The following FMN1 variants were observed in gnomAD, a reference collection of about 807,000 sequenced individuals.
The protein encoded by FMN1 is formin-1.
FMN1 carries 110 observed loss-of-function variants against 132.4 expected under a neutral mutation model. The observed-to-expected ratio is 0.83, with a 90% CI of 0.71 to 0.97. The LOEUF is 0.97. FMN1 is among the 50% of genes least tolerant of loss of function. The pLI is 0.00. For synonymous variants in FMN1, 722 were observed against 651.7 expected, an observed-to-expected ratio of 1.11 and a Z score of -1.64; for missense variants, 1,792 against 1,705.3, an observed-to-expected ratio of 1.05 and a Z score of -0.90.
intron 7 of FMN1, among the ~76,000 whole-genome samples, chr15:33,001,960 A>G (rs187366969): frequency 9.6e-4 from 146 of 152,204 alleles, no homozygotes; most frequent in African/African-American, 2.9e-3. Flanking sequence ...TCCAATCCAA[A>G]TATTTTAGGT....
chr15:32,949,432 G>C (rs772992326), intron 9 of FMN1, among the ~76,000 whole-genome samples: 1 of 152,032 alleles, frequency 6.6e-6, no homozygotes, highest in Admixed American at 6.6e-5. Context: ...TGACAAACTT[G>C]ACAAAAACAA....
At chr15:32,790,646 C>T (rs1026725383) in intron 19 of FMN1, among the ~76,000 whole-genome samples, 1 of 152,194 alleles carries the variant, frequency 6.6e-6, no homozygotes, top group African/African-American at 2.4e-5. Flanking sequence ...TTCTGAATCT[C>T]CTCTAAAACT....
chr15:32,927,898 A>G (rs1431035401), intron 9 of FMN1, among the ~76,000 whole-genome samples: 4 of 152,246 alleles, frequency 2.6e-5, no homozygotes, highest in East Asian at 3.8e-4. Flanking sequence ...AGGTACTTAC[A>G]GAATTGCCAA....
At chr15:33,025,422 A>G (rs1346418183) in intron 6 of FMN1, among the ~76,000 whole-genome samples, 1 of 152,180 alleles carries the variant, frequency 6.6e-6, no homozygotes, top group Admixed American at 6.5e-5. Context: ...TTTGCAAAAA[A>G]TTGATGATTC....
intron 6 of FMN1, among the ~76,000 whole-genome samples, chr15:33,046,051 G>T (rs2036666054): frequency 6.6e-6 from 1 of 151,892 alleles, no homozygotes; most frequent in South Asian, 2.1e-4. Context: ...AATGGTATTA[G>T]CTAAGATTTT....
chr15:32,968,286 A>G (rs2031435889), intron 8 of FMN1, among the ~76,000 whole-genome samples: 1 of 152,222 alleles, frequency 6.6e-6, no homozygotes. Flanking sequence ...TTAAATATCT[A>G]GATTATAGGG....
In FMN1 at chr15:32,772,221, A is replaced by G. The variant is rs1282388308; in HGVS notation, c.*2089T>C. 2 of 152,268 alleles carry G rather than the reference A, an allele frequency of 1.3e-5. No homozygotes were observed. Among genetic ancestry groups the G allele is most frequent in the Non-Finnish European group, 2.9e-5 (2 of 68,072 alleles). The allele number at this position is 152,268 out of a possible 1,614,324, so 9.4% of individuals were successfully genotyped here. ...TGAAGGGTTACGTGGCCACAGTGGC[A>G]GCCCTGCTTACCTTCACTGATTTCT... On this transcript the variant is annotated 3_prime_UTR_variant, in exon 21 of 21. Transcript: ENST00000616417.
chr15:33,086,053 C>T (rs985103500), intron 5 of FMN1, among the ~76,000 whole-genome samples: 1 of 151,970 alleles, frequency 6.6e-6, no homozygotes, highest in African/African-American at 2.4e-5. Context: ...AGATCCAGAC[C>T]ATCCTGGCTA....
intron 4 of FMN1, among the ~76,000 whole-genome samples, chr15:33,108,043 T>C (rs990821670): frequency 6.6e-6 from 1 of 152,070 alleles, no homozygotes; most frequent in Non-Finnish European, 1.5e-5. Context: ...TGGCAAGAAT[T>C]CTGTGCCAGG....
intron 6 of FMN1, among the ~76,000 whole-genome samples, chr15:33,041,330 A>T (rs1246204846): frequency 6.6e-6 from 1 of 151,672 alleles, no homozygotes; most frequent in Non-Finnish European, 1.5e-5. Flanking sequence ...AATCAGGAGT[A>T]ACACAATAAT....
chr15:33,172,584 G>C (rs1227941041), intron 3 of FMN1, among the ~76,000 whole-genome samples: 1 of 152,226 alleles, frequency 6.6e-6, no homozygotes, highest in African/African-American at 2.4e-5. Flanking sequence ...GTTTGACACA[G>C]AGTTGGAAAT....
intron 5 of FMN1, among the ~76,000 whole-genome samples, chr15:33,074,133 A>C (rs1048036097): frequency 3.9e-5 from 6 of 152,166 alleles, no homozygotes; most frequent in African/African-American, 1.4e-4. Flanking sequence ...AGATGGGGAA[A>C]AAGGCATCCC....
chr15:32,900,662 T>A (rs1208319877), intron 13 of FMN1, among the ~76,000 whole-genome samples: 1 of 152,232 alleles, frequency 6.6e-6, no homozygotes, highest in Non-Finnish European at 1.5e-5. Flanking sequence ...CTTTAATAAA[T>A]TTATTAAACT....
rs71113479 is a variant in FMN1 at position 32,848,977 on chromosome 15, GTTT to G, written c.3928+8035_3928+8037del. 1.0e-4 allele frequency among the ~76,000 whole-genome samples: 9 copies of G among 89,574 alleles called. No homozygotes were observed. The South Asian group carries it at 1.5e-3, about 15-fold the overall frequency. 58.8% of individuals were successfully genotyped at this position (89,574 alleles called of 152,430 possible). Reference sequence around the variant, plus strand: ...ATCAGTCTTGGGTTAGTTCTCTTTTGTTTTTTTTTTTTTTTTTTTTTTCAGAGA... The same window carrying G: ...ATCAGTCTTGGGTTAGTTCTCTTTTGTTTTTTTTTTTTTTTTTTTCAGAGA... On this transcript the variant is annotated intron_variant, in intron 17 of 20. Transcript: ENST00000616417.
intron 17 of FMN1, among the ~76,000 whole-genome samples, chr15:32,836,768 T>C (rs1319717117): frequency 2.0e-5 from 3 of 152,198 alleles, no homozygotes; most frequent in Non-Finnish European, 4.4e-5. Context: ...CTATGTTAAA[T>C]AACATAGTTT....
At chr15:32,856,746 C>T (rs995779968) in intron 17 of FMN1, among the ~76,000 whole-genome samples, 4 of 152,096 alleles carry the variant, frequency 2.6e-5, no homozygotes, top group African/African-American at 9.7e-5. Flanking sequence ...CATGAAGAGA[C>T]AAAAAAGTTT....
At chr15:32,952,621 AAG>A (rs1344795734) in intron 9 of FMN1, among the ~76,000 whole-genome samples, 2 of 152,284 alleles carry the variant, frequency 1.3e-5, no homozygotes, top group South Asian at 2.1e-4. Flanking sequence ...CAGAGTCCAC[AAG>A]AGAGTAAAAA....
chr15:32,968,830 A>C lies in FMN1; in HGVS notation c.2871T>G (p.Pro957=). The change falls in exon 8 of 21, where the codon CCT becomes CCG. Residue 957 remains proline (P), a synonymous_variant. Transcript: ENST00000616417. ...PPPGLAPPPP[P]GLFFGLGSSS... The stretch of plus-strand genomic sequence containing the variant: ...AAGAGCCAAGTCCAAAGAAGAGTCC[A>C]GGGGGAGGTGGGGGTGCAAGTCCTG... 1 of 1,145,202 alleles carries C rather than the reference A, an allele frequency of 8.7e-7. No individual in the cohort carries two copies. The highest frequency in any genetic ancestry group is 1.2e-6 in the Non-Finnish European group (1 of 810,504). 70.9% of individuals were successfully genotyped at this position (1,145,202 alleles called of 1,614,324 possible).
intron 5 of FMN1, among the ~76,000 whole-genome samples, chr15:33,076,955 A>G (rs145866174): frequency 9.2e-5 from 14 of 152,326 alleles, no homozygotes; most frequent in African/African-American, 2.4e-4. Context: ...TCAGACATTT[A>G]AAAAGAAAAC....
Sources: allele counts gnomAD v4.1 joint callset (sites outside exome capture counted in the v4.1 genomes callset), GRCh38; gene constraint gnomAD v4.1.1; transcripts MANE v1.5; gene names NCBI Gene and HGNC (gene_info 2026-07-23, HGNC 2026-07-21).